CFAP144: variants seen among roughly 807,000 people sequenced by gnomAD.
CFAP144 encodes cilia- and flagella-associated protein 144.
the CFAP144 span, among the ~76,000 whole-genome samples, chr1:43,146,970 C>T: frequency 1.5e-4 from 23 of 152,270 alleles, no homozygotes; most frequent in African/African-American, 5.3e-4. Flanking sequence ...CTCAGCCTCC[C>T]GAGTAGCTGG....
At chr1:43,147,900 G>T in the CFAP144 span, 1 of 1,604,246 alleles carries the variant, frequency 6.2e-7, no homozygotes, top group Non-Finnish European at 8.5e-7. Flanking sequence ...GGGACGCGTT[G>T]CCTGGAGACT....
chr1:43,148,909 A>G, the CFAP144 span, among the ~76,000 whole-genome samples: 1 of 152,132 alleles, frequency 6.6e-6, no homozygotes, highest in African/African-American at 2.4e-5. Flanking sequence ...CTTCAGTGAA[A>G]GACACCATCA....
At chr1:43,154,102 TCTC>T in the CFAP144 span, among the ~76,000 whole-genome samples, 1 of 118,720 alleles carries the variant, frequency 8.4e-6, no homozygotes, top group Non-Finnish European at 1.9e-5. Context: ...ATATATATAC[TCTC>T]TTTTTATATA....
chr1:43,145,359 G>A, the CFAP144 span: 1 of 1,262,708 alleles, frequency 7.9e-7, no homozygotes, highest in Non-Finnish European at 1.1e-6. Context: ...CACACATAGG[G>A]CACAAGGTCC....
chr1:43,154,334 C>A, the CFAP144 span, among the ~76,000 whole-genome samples: 3 of 140,260 alleles, frequency 2.1e-5, no homozygotes, highest in South Asian at 6.9e-4. Context: ...TTATATATAT[C>A]CCCTCTTTTT....
chr1:43,144,339 C>T, the CFAP144 span, among the ~76,000 whole-genome samples: 1,848 of 152,232 alleles, frequency 0.012, 31 homozygotes, highest in African/African-American at 0.043. Flanking sequence ...TCATAATGGG[C>T]ATTCAGTTAG....
At chr1:43,144,126 C>G in the CFAP144 span, among the ~76,000 whole-genome samples, 6 of 152,196 alleles carry the variant, frequency 3.9e-5, no homozygotes, top group Non-Finnish European at 8.8e-5. Flanking sequence ...AGGCTCCAGC[C>G]CTCTAAATCT....
the CFAP144 span, chr1:43,148,039 A>G: frequency 6.2e-7 from 1 of 1,613,858 alleles, no homozygotes; most frequent in Non-Finnish European, 8.5e-7. Context: ...GGAGCTACGA[A>G]CCCAGAAACT....
chr1:43,156,210 A>T, the CFAP144 span: 1 of 1,613,844 alleles, frequency 6.2e-7, no homozygotes, highest in Non-Finnish European at 8.5e-7. Context: ...TTCTAGATCA[A>T]CCCAGAACGC....
At chr1:43,151,354 G>A in the CFAP144 span, among the ~76,000 whole-genome samples, 2 of 152,312 alleles carry the variant, frequency 1.3e-5, no homozygotes, top group East Asian at 3.9e-4. Flanking sequence ...AATCTCTATG[G>A]TGGGGCTGGG....
At chr1:43,146,787 G>A in the CFAP144 span, among the ~76,000 whole-genome samples, 26 of 152,224 alleles carry the variant, frequency 1.7e-4, no homozygotes, top group Non-Finnish European at 3.2e-4. Context: ...TCTTCAGACA[G>A]TATTTAGGTG....
At chr1:43,145,239 T>C in the CFAP144 span, 4 of 1,548,046 alleles carry the variant, frequency 2.6e-6, no homozygotes, top group Non-Finnish European at 3.5e-6. Context: ...TGCAGGGCCA[T>C]TGACAGAGAA....
At chr1:43,151,984 A>G in the CFAP144 span, among the ~76,000 whole-genome samples, 1 of 152,162 alleles carries the variant, frequency 6.6e-6, no homozygotes, top group African/African-American at 2.4e-5. Context: ...GCTCTCTTAT[A>G]TGAAGGATGT....
the CFAP144 span, among the ~76,000 whole-genome samples, chr1:43,148,864 A>G: frequency 1.2e-3 from 183 of 152,326 alleles, no homozygotes; most frequent in African/African-American, 4.1e-3. Flanking sequence ...AGTCCTGTTT[A>G]TTAACATTCC....
chr1:43,150,846 T>C, the CFAP144 span: 3 of 1,586,948 alleles, frequency 1.9e-6, no homozygotes, highest in South Asian at 2.3e-5. Flanking sequence ...TGAAATGCCA[T>C]TGAGATAGAG....
the CFAP144 span, chr1:43,156,330 C>A: frequency 6.3e-7 from 1 of 1,584,326 alleles, no homozygotes; most frequent in Non-Finnish European, 8.7e-7. Context: ...AGCGGATGAG[C>A]CCATCTGTGG....
At chr1:43,152,620 G>A in the CFAP144 span, 126 of 493,840 alleles carry the variant, frequency 2.6e-4, no homozygotes, top group Admixed American at 4.3e-4. Flanking sequence ...CCCAGCGCCC[G>A]GAAGCATGTC....
chr1:43,150,609 A>G, the CFAP144 span, among the ~76,000 whole-genome samples: 3 of 152,238 alleles, frequency 2.0e-5, no homozygotes, highest in African/African-American at 7.2e-5. Context: ...GCCTTATCCA[A>G]TCGTGCATTA....
chr1:43,154,036 C>A, the CFAP144 span, among the ~76,000 whole-genome samples: 1 of 119,062 alleles, frequency 8.4e-6, no homozygotes, highest in East Asian at 2.5e-4. Flanking sequence ...TTTCTTACTT[C>A]TTCTTCTCTC....
Sources: gnomAD v4.1 joint callset for allele counts (sites outside exome capture counted in the v4.1 genomes callset) on GRCh38, gnomAD v4.1.1 for gene constraint, MANE v1.5 for transcripts, NCBI Gene and HGNC (gene_info 2026-07-23, HGNC 2026-07-21) for gene names.